Variants in SPATA13 observed in about 807,000 individuals in gnomAD.
SPATA13 encodes the protein spermatogenesis associated 13.
Under a neutral mutation model 104.0 loss-of-function variants are expected in SPATA13, and 50 were observed. That is an observed-to-expected ratio of 0.48 (90% CI 0.38 to 0.61). SPATA13 has a LOEUF of 0.61. SPATA13 is among the 20% of genes least tolerant of loss of function. The pLI, the probability that SPATA13 is intolerant of heterozygous loss-of-function variation, is 0.00. For synonymous variants in SPATA13, 606 were observed against 667.5 expected, an observed-to-expected ratio of 0.91 and a Z score of 1.42; for missense variants, 1,524 against 1,690.6, an observed-to-expected ratio of 0.90 and a Z score of 1.73.
rs1277311012 is a variant in SPATA13 at position 24,142,105 on chromosome 13, GA to G, written c.-111-80711del. 3.6e-4 allele frequency among the ~76,000 whole-genome samples: 32 copies of G among 88,380 alleles called. No homozygotes were observed. The Admixed American group carries it at 4.5e-3, about 12-fold the overall frequency. The allele number at this position is 88,380 out of a possible 152,430, so 58.0% of individuals were successfully genotyped here. ...TTGGACAGTATTAATCATTTGTAGG[GA>G]AAGGTTTTTTTTTTTTAGCTTTTTT... On this transcript the variant is annotated intron_variant, in intron 3 of 14. Transcript: ENST00000424834.
At chr13:24,105,360 A>G (rs1880406151) in intron 3 of SPATA13, among the ~76,000 whole-genome samples, 1 of 151,744 alleles carries the variant, frequency 6.6e-6, no homozygotes, top group Admixed American at 6.6e-5. Flanking sequence ...GCTGGTCTCA[A>G]ACTCCTGGGC....
chr13:24,083,001 A>G (rs944009859), intron 3 of SPATA13, among the ~76,000 whole-genome samples: 1 of 152,200 alleles, frequency 6.6e-6, no homozygotes, highest in African/African-American at 2.4e-5. Flanking sequence ...CTATAAATCT[A>G]AATGTTTAAT....
At chr13:24,294,975 G>T in intron 10 of SPATA13, 107 bp downstream of exon 10, 1 of 1,208,028 alleles carries the variant, frequency 8.3e-7, no homozygotes, top group Non-Finnish European at 1.1e-6. Context: ...TATATTCTTG[G>T]CTTTAATGGT....
chr13:24,125,595 T>A (rs1881183627), intron 3 of SPATA13, among the ~76,000 whole-genome samples: 1 of 152,178 alleles, frequency 6.6e-6, no homozygotes, highest in South Asian at 2.1e-4. Flanking sequence ...AGCAGAGTTC[T>A]CAGTTCACCT....
chr13:24,046,629 A>C (rs1034157189), intron 3 of SPATA13, among the ~76,000 whole-genome samples: 2 of 151,508 alleles, frequency 1.3e-5, no homozygotes, highest in African/African-American at 4.9e-5. Flanking sequence ...GTTTGTTATT[A>C]GTTCCTGTAG....
At chr13:23,991,619 A>C (rs1410368262) in intron 2 of SPATA13, among the ~76,000 whole-genome samples, 2 of 152,200 alleles carry the variant, frequency 1.3e-5, no homozygotes, top group Admixed American at 6.5e-5. Context: ...TGCATTGATA[A>C]GACTCATGTT....
At chr13:24,289,232 T>C in intron 8 of SPATA13, 54 bp downstream of exon 8, 1 of 1,445,822 alleles carries the variant, frequency 6.9e-7, no homozygotes, top group Non-Finnish European at 9.5e-7. Context: ...AATTTTGAAG[T>C]GCATCTCCAC....
intron 3 of SPATA13, among the ~76,000 whole-genome samples, chr13:24,045,506 A>G (rs1043736892): frequency 2.0e-5 from 3 of 152,198 alleles, no homozygotes; most frequent in African/African-American, 7.2e-5. Flanking sequence ...GGTAGGTCAC[A>G]TAATACACGT....
intron 1 of SPATA13, among the ~76,000 whole-genome samples, chr13:23,983,445 G>A (rs534348526): frequency 2.6e-5 from 4 of 152,158 alleles, no homozygotes; most frequent in Non-Finnish European, 5.9e-5. Context: ...TGAGGTACTG[G>A]AGTCAGGACT....
intron 3 of SPATA13, among the ~76,000 whole-genome samples, chr13:24,109,134 G>T (rs956454535): frequency 6.6e-6 from 1 of 152,038 alleles, no homozygotes. Flanking sequence ...AACAGGCCCT[G>T]ATGTGTGATG....
intron 2 of SPATA13, among the ~76,000 whole-genome samples, chr13:23,991,528 C>G (rs987092969): frequency 6.6e-6 from 1 of 152,166 alleles, no homozygotes; most frequent in African/African-American, 2.4e-5. Flanking sequence ...TTCTCCCTCA[C>G]TGGGCTTCAT....
At chr13:24,128,767 A>G (rs1881303275) in intron 3 of SPATA13, among the ~76,000 whole-genome samples, 1 of 152,162 alleles carries the variant, frequency 6.6e-6, no homozygotes, top group Non-Finnish European at 1.5e-5. Context: ...TACTTCCCTT[A>G]AAAAATACGT....
rs543036757 is a variant in SPATA13 at position 24,099,044 on chromosome 13, C to T, written c.-112+81343C>T. Among the ~76,000 whole-genome samples the T allele has an allele frequency of 5.9e-5, 9 of 152,154 alleles. No homozygotes were observed. In the South Asian group the frequency reaches 1.0e-3, roughly 18 times the overall value. On this transcript the variant is annotated intron_variant, in intron 3 of 14. Coordinates refer to the SPATA13 transcript ENST00000424834. Reference sequence around the variant, plus strand: ...AGGCTGCAGTGAGCTATGATCATACCGCTTCACTCCTGCCTAGGTGACAGA... The same window carrying T: ...AGGCTGCAGTGAGCTATGATCATACTGCTTCACTCCTGCCTAGGTGACAGA...
chr13:24,105,467 A>G (rs920315285), intron 3 of SPATA13, among the ~76,000 whole-genome samples: 8 of 145,540 alleles, frequency 5.5e-5, no homozygotes, highest in African/African-American at 2.1e-4. Flanking sequence ...TGACATATCA[A>G]TTTCTTCTCA....
At chr13:24,243,559 G>A (rs538726106) in intron 2 of SPATA13, among the ~76,000 whole-genome samples, 6 of 152,174 alleles carry the variant, frequency 3.9e-5, no homozygotes, top group African/African-American at 1.2e-4. Flanking sequence ...CTCTATTAAC[G>A]TGAGCAAATC....
intron 2 of SPATA13, among the ~76,000 whole-genome samples, chr13:24,245,086 G>A (rs942712193): frequency 2.6e-5 from 4 of 152,166 alleles, no homozygotes; most frequent in African/African-American, 9.7e-5. Flanking sequence ...TAGAGGACAT[G>A]GCTATGCCCA....
At chr13:24,295,049 T>C (rs1876669399) in intron 10 of SPATA13, among the ~76,000 whole-genome samples, 181 bp downstream of exon 10, 1 of 152,218 alleles carries the variant, frequency 6.6e-6, no homozygotes, top group African/African-American at 2.4e-5. Flanking sequence ...TCGACTACTT[T>C]ATACCCCACT....
At chr13:24,033,477 C>T (rs1425890281) in intron 3 of SPATA13, 1 of 152,212 alleles carries the variant, frequency 6.6e-6, no homozygotes, top group East Asian at 1.9e-4. Context: ...GGTACCTTCC[C>T]CCACCCAGAA....
chr13:24,125,272 C>T (rs1415333489), intron 3 of SPATA13, among the ~76,000 whole-genome samples: 1 of 152,216 alleles, frequency 6.6e-6, no homozygotes, highest in Non-Finnish European at 1.5e-5. Context: ...CATCTCCTAA[C>T]ACGGCGGGAG....
Sources: gnomAD v4.1 joint callset for allele counts (sites outside exome capture counted in the v4.1 genomes callset) on GRCh38, gnomAD v4.1.1 for gene constraint, MANE v1.5 for transcripts, NCBI Gene and HGNC (gene_info 2026-07-23, HGNC 2026-07-21) for gene names.